The following CELF2 variants were observed in gnomAD, a reference collection of about 807,000 sequenced individuals.
CELF2 encodes CUG triplet repeat RNA-binding protein 2.
A neutral mutation model predicts 62.6 loss-of-function variants in CELF2; 8 were observed. The observed-to-expected ratio is 0.13, with a 90% CI of 0.07 to 0.23. The LOEUF is 0.23. CELF2 is among the 10% of genes least tolerant of loss of function. CELF2 has a pLI of 1.00. For missense variants in CELF2, 333 were observed against 671.0 expected (o/e 0.50, Z 5.56); for synonymous variants, 258 against 250.0 (o/e 1.03, Z -0.30).
rs1249866185 is a variant in CELF2 at position 11,323,569 on chromosome 10, C to G, written c.1294+2183C>G. Among the ~76,000 whole-genome samples, 11 of 152,226 alleles carry G rather than the reference C, an allele frequency of 7.2e-5. No homozygotes were observed. In the East Asian group the frequency reaches 2.1e-3, roughly 29 times the overall value. ...TCTGATGGCCCGCCTCTGTCCATTA[C>G]CTGCAGGAGGCGAGTCCCATGAGGA... On this transcript the variant is annotated intron_variant, in intron 11 of 12. Transcript: ENST00000633077.
At chr10:10,883,834 A>G (rs1461230079) in intron 1 of CELF2, among the ~76,000 whole-genome samples, 2 of 152,126 alleles carry the variant, frequency 1.3e-5, no homozygotes, top group Non-Finnish European at 2.9e-5. Context: ...TGCTACTAGC[A>G]TTGAACAGAT....
the CELF2 span, among the ~76,000 whole-genome samples, chr10:10,537,110 A>T: frequency 1.3e-5 from 2 of 152,184 alleles, no homozygotes; most frequent in South Asian, 4.1e-4. Context: ...GGCAAACAAG[A>T]GGGAGGAAGC....
At chr10:10,770,424 G>A in the CELF2 span, among the ~76,000 whole-genome samples, 34 of 152,130 alleles carry the variant, frequency 2.2e-4, no homozygotes, top group African/African-American at 8.2e-4. Flanking sequence ...TGGGGTGGAG[G>A]CACTGGGAGA....
the CELF2 span, among the ~76,000 whole-genome samples, chr10:10,625,442 A>T: frequency 6.6e-6 from 1 of 152,212 alleles, no homozygotes; most frequent in Non-Finnish European, 1.5e-5. Flanking sequence ...GGAAGGCAAC[A>T]CTGCGTATCT....
chr10:11,067,379 G>T (rs553158335), intron 1 of CELF2, among the ~76,000 whole-genome samples: 73 of 152,288 alleles, frequency 4.8e-4, no homozygotes, highest in African/African-American at 1.7e-3. Context: ...CTTTATTTCT[G>T]AATTTGCTAA....
chr10:10,523,069 G>A, the CELF2 span, among the ~76,000 whole-genome samples: 1 of 152,174 alleles, frequency 6.6e-6, no homozygotes, highest in East Asian at 1.9e-4. Context: ...TGGGCAGAAT[G>A]GAGCCCACCT....
intron 9 of CELF2, among the ~76,000 whole-genome samples, chr10:11,301,002 G>C (rs935185056): frequency 3.3e-5 from 5 of 152,218 alleles, no homozygotes; most frequent in Non-Finnish European, 7.3e-5. Context: ...GAAGAGTGGG[G>C]AGTAGGGTTA....
chr10:11,014,957 C>T (rs2057031553), upstream of CELF2, among the ~76,000 whole-genome samples: 1 of 152,134 alleles, frequency 6.6e-6, no homozygotes, highest in Non-Finnish European at 1.5e-5. Context: ...CAGCCTGGTC[C>T]CCAGTGATGG....
intron 1 of CELF2, among the ~76,000 whole-genome samples, chr10:11,007,536 G>A (rs1198371588): frequency 6.6e-6 from 1 of 152,094 alleles, no homozygotes; most frequent in Admixed American, 6.5e-5. Flanking sequence ...TTAAGTTATC[G>A]GTTGTGAATA....
At chr10:10,817,573 G>A (rs1018211268) in intron 1 of CELF2, among the ~76,000 whole-genome samples, 7 of 152,060 alleles carry the variant, frequency 4.6e-5, no homozygotes, top group Non-Finnish European at 2.9e-5. Flanking sequence ...AGAATATACA[G>A]TGTTTGTCTT....
chr10:10,726,871 T>C, the CELF2 span, among the ~76,000 whole-genome samples: 1 of 152,198 alleles, frequency 6.6e-6, no homozygotes, highest in African/African-American at 2.4e-5. Flanking sequence ...AGAGGTTTAA[T>C]TGGCTCACGG....
the CELF2 span, among the ~76,000 whole-genome samples, chr10:10,539,334 T>G: frequency 5.3e-5 from 8 of 152,254 alleles, no homozygotes; most frequent in Non-Finnish European, 2.9e-5. Context: ...AAAACTGTTT[T>G]GTTTTTACAA....
chr10:11,131,173 T>C (rs17149600), intron 1 of CELF2, among the ~76,000 whole-genome samples: 16,957 of 152,252 alleles, frequency 0.11, 1,001 homozygotes, highest in Middle Eastern at 0.2. Flanking sequence ...GAATTGGGCG[T>C]GATATCGATT....
rs1405350889 is a variant in CELF2 at position 11,329,833 on chromosome 10, A to ATAAT, written c.*781_*784dup. 2 of 152,092 alleles carry ATAAT rather than the reference A, an allele frequency of 1.3e-5. No homozygotes were observed. The highest frequency in any genetic ancestry group is 2.9e-5 in the Non-Finnish European group (2 of 68,018). 9.4% of individuals were successfully genotyped at this position (152,092 alleles called of 1,614,324 possible). A position where few individuals can be genotyped will look rare whatever the true frequency, so the allele number is the denominator to read the frequency against. On this transcript the variant is annotated 3_prime_UTR_variant, in exon 13 of 13. Coordinates refer to ENST00000633077, the MANE Select transcript of CELF2 (RefSeq NM_001326342.2). The surrounding 1 kb of genome is among the most constrained non-coding windows in gnomAD (Gnocchi z 5.5). ...TGTTTCTTGAAAGATAAATTTAATA[A>ATAAT]TAATAAATAAATACATAAATACATA...
chr10:10,524,776 C>T, the CELF2 span, among the ~76,000 whole-genome samples: 1 of 152,082 alleles, frequency 6.6e-6, no homozygotes, highest in African/African-American at 2.4e-5. Flanking sequence ...AGGTCATTTT[C>T]AAACTTTGGA....
chr10:10,920,058 A>C (rs777460457), intron 2 of CELF2: 2 of 1,120,386 alleles, frequency 1.8e-6, no homozygotes, highest in Non-Finnish European at 2.3e-6. Flanking sequence ...AAAGAGAAGT[A>C]CTGTGCCATG....
chr10:10,827,358 A>G (rs1315466175), intron 1 of CELF2, among the ~76,000 whole-genome samples: 1 of 152,146 alleles, frequency 6.6e-6, no homozygotes, highest in South Asian at 2.1e-4. Context: ...TAACACTCTC[A>G]CTTCTTCATC....
At chr10:10,978,034 G>GA (rs2051562219) in intron 2 of CELF2, among the ~76,000 whole-genome samples, 1 of 121,788 alleles carries the variant, frequency 8.2e-6, no homozygotes, top group South Asian at 2.6e-4. Context: ...GTTTTTTTTT[G>GA]TTTTTTGTTT....
rs17375340 is a variant in CELF2, at chr10:11,117,174, A to G, written c.75-48312A>G. Among the ~76,000 whole-genome samples, 8,451 of 152,296 alleles carry G rather than the reference A, an allele frequency of 0.055. 279 individuals carry two copies. Among genetic ancestry groups the G allele is most frequent in the Middle Eastern group, 0.065 (19 of 294 alleles). On this transcript the variant is annotated intron_variant, in intron 1 of 12. Transcript: ENST00000633077. This position sits in a 1 kb window ranked among gnomAD's most constrained non-coding sequence, Gnocchi z 4.1. Reference sequence around the variant, plus strand: ...CAGTGATAACCTATTTTATTCCTTTATATCATCCCGCTCTACTCACATCTT... The same window carrying G: ...CAGTGATAACCTATTTTATTCCTTTGTATCATCCCGCTCTACTCACATCTT...
Sources: allele counts gnomAD v4.1 joint callset (sites outside exome capture counted in the v4.1 genomes callset), GRCh38; gene constraint gnomAD v4.1.1; non-coding constraint Gnocchi (gnomAD v3.1); transcripts MANE v1.5; gene names NCBI Gene and HGNC (gene_info 2026-07-23, HGNC 2026-07-21).